Variants in LCORL observed in about 807,000 individuals in gnomAD.
LCORL encodes the protein ligand dependent nuclear receptor corepressor like.
A neutral mutation model predicts 141.8 loss-of-function variants in LCORL; 41 were observed. The ratio of observed to expected loss-of-function variants is 0.29; its 90% CI spans 0.23 to 0.38. The LOEUF (loss-of-function observed/expected upper bound fraction) is 0.38. LCORL is among the 10% of genes least tolerant of loss of function. LCORL has a pLI of 1.00. For synonymous variants in LCORL, 618 were observed against 694.1 expected (o/e 0.89, Z 1.72); for missense variants, 1,759 against 2,035.0 (o/e 0.86, Z 2.61).
chr4:17,925,619 C>T (rs1257282102), intron 4 of LCORL, among the ~76,000 whole-genome samples: 3 of 152,104 alleles, frequency 2.0e-5, no homozygotes, highest in South Asian at 2.1e-4. Context: ...TGCTTGTAAT[C>T]CCAGCACTTT....
chr4:17,858,789 TA>T (rs1451625165), intron 7 of LCORL, among the ~76,000 whole-genome samples: 1 of 151,872 alleles, frequency 6.6e-6, no homozygotes, highest in East Asian at 1.9e-4. Context: ...ATTAAAAATA[TA>T]AACTGACATA....
At chr4:17,971,417 A>C (rs1477593230) in intron 2 of LCORL, among the ~76,000 whole-genome samples, 1 of 151,892 alleles carries the variant, frequency 6.6e-6, no homozygotes, top group Non-Finnish European at 1.5e-5. Context: ...AATTATAAAT[A>C]TAAAATATTA....
chr4:17,919,628 C>T (rs1317007622), intron 4 of LCORL, among the ~76,000 whole-genome samples: 1 of 152,118 alleles, frequency 6.6e-6, no homozygotes, highest in African/African-American at 2.4e-5. Flanking sequence ...AAGAAGTACC[C>T]ATATCTGTGG....
chr4:17,874,955 T>C lies in LCORL; in HGVS notation c.4035A>G (p.Ala1345=), dbSNP rs1577302129. 3 of 1,233,858 alleles carry C rather than the reference T, an allele frequency of 2.4e-6. No homozygotes were observed. In the East Asian group the frequency reaches 9.5e-5, roughly 39 times the overall value. 76.4% of individuals were successfully genotyped at this position (1,233,858 alleles called of 1,614,324 possible). Residue 1345 remains alanine, a synonymous_variant, in exon 7 of 8, where the codon GCA becomes GCG. Coordinates refer to ENST00000635767, the Ensembl canonical transcript of LCORL. ...TTCTATAAATAAGTGAGCTAGAAGATGCTAATGAATGTAAGAAATGCAGAG... is the reference window on the plus strand; with the variant it reads ...TTCTATAAATAAGTGAGCTAGAAGACGCTAATGAATGTAAGAAATGCAGAG...
At chr4:17,864,822 G>C (rs1408166486) in intron 7 of LCORL, among the ~76,000 whole-genome samples, 1 of 152,192 alleles carries the variant, frequency 6.6e-6, no homozygotes, top group Non-Finnish European at 1.5e-5. Flanking sequence ...TATGATAACA[G>C]TAGTGAAAAG....
chr4:17,955,767 T>C (rs1712493782), intron 4 of LCORL, among the ~76,000 whole-genome samples: 1 of 152,014 alleles, frequency 6.6e-6, no homozygotes, highest in African/African-American at 2.4e-5. Flanking sequence ...ACAGATAAGA[T>C]TCTGAGTGTT....
exon 4 of LCORL, chr4:17,961,953 T>G: frequency 6.2e-7 from 1 of 1,610,624 alleles, no homozygotes; most frequent in Non-Finnish European, 8.5e-7. Flanking sequence ...GCATTCAATC[T>G]TATCAGTGTT....
At chr4:17,961,803 G>A in intron 4 of LCORL, 100 bp downstream of exon 4, 1 of 816,844 alleles carries the variant, frequency 1.2e-6, no homozygotes, top group Non-Finnish European at 1.9e-6. Context: ...AATAAAGAGT[G>A]AAGTAGAGAG....
chr4:17,894,460 T>A (rs1326680549), intron 5 of LCORL, among the ~76,000 whole-genome samples: 1 of 152,188 alleles, frequency 6.6e-6, no homozygotes, highest in Non-Finnish European at 1.5e-5. Context: ...AGAAATTAAA[T>A]AAAAGGATTT....
At chr4:17,860,465 C>T (rs1264822839) in intron 7 of LCORL, among the ~76,000 whole-genome samples, 1 of 152,164 alleles carries the variant, frequency 6.6e-6, no homozygotes, top group Non-Finnish European at 1.5e-5. Flanking sequence ...ATGTGAAAGA[C>T]CTGCCCCCAT....
chr4:17,963,254 C>T (rs376333094), intron 2 of LCORL, among the ~76,000 whole-genome samples: 9 of 151,856 alleles, frequency 5.9e-5, no homozygotes, highest in Admixed American at 5.3e-4. Context: ...TATTATGGGA[C>T]AAAATAGCAA....
chr4:17,854,239 C>T (rs1724098733), intron 7 of LCORL, among the ~76,000 whole-genome samples: 2 of 152,206 alleles, frequency 1.3e-5, no homozygotes, highest in South Asian at 4.1e-4. Context: ...AAGTCACTAC[C>T]TTTTATGGGT....
intron 1 of LCORL, among the ~76,000 whole-genome samples, chr4:18,001,225 T>G (rs1279952282): frequency 3.3e-5 from 5 of 152,178 alleles, no homozygotes; most frequent in Non-Finnish European, 5.9e-5. Flanking sequence ...AGACAATGCC[T>G]ATACTCAAGA....
intron 7 of LCORL, among the ~76,000 whole-genome samples, chr4:17,859,189 G>A (rs1343580382): frequency 6.6e-6 from 1 of 152,184 alleles, no homozygotes; most frequent in African/African-American, 2.4e-5. Flanking sequence ...AATAGGCTTT[G>A]TGTTTAACGG....
chr4:17,889,692 A>G (rs1334594409), intron 5 of LCORL, among the ~76,000 whole-genome samples: 1 of 151,904 alleles, frequency 6.6e-6, no homozygotes, highest in Non-Finnish European at 1.5e-5. Flanking sequence ...AAACAAAAAC[A>G]ATGAGACAGC....
At chr4:17,906,101 A>T (rs986671295) in intron 5 of LCORL, among the ~76,000 whole-genome samples, 1 of 152,196 alleles carries the variant, frequency 6.6e-6, no homozygotes, top group African/African-American at 2.4e-5. Context: ...TTTAAATCCT[A>T]AAATATTTAT....
At chr4:17,854,499 A>T (rs1018690449) in intron 7 of LCORL, among the ~76,000 whole-genome samples, 4 of 152,164 alleles carry the variant, frequency 2.6e-5, no homozygotes, top group African/African-American at 9.7e-5. Context: ...TCATAATCAG[A>T]TATAAAGATT....
At chr4:17,873,600 T>C (rs1577299582) in exon 7 of LCORL, 1 of 1,233,680 alleles carries the variant, frequency 8.1e-7, no homozygotes, top group Non-Finnish European at 1.0e-6. Flanking sequence ...AGCTGAAGGA[T>C]TATTTGTGTT....
At chr4:18,007,144 C>G (rs1252023583) in intron 1 of LCORL, among the ~76,000 whole-genome samples, 1 of 152,146 alleles carries the variant, frequency 6.6e-6, no homozygotes, top group Non-Finnish European at 1.5e-5. Flanking sequence ...TATAAAACCA[C>G]AAATTAAACT....
Sources: allele counts gnomAD v4.1 joint callset (sites outside exome capture counted in the v4.1 genomes callset), GRCh38; gene constraint gnomAD v4.1.1; transcripts MANE v1.5; gene names NCBI Gene and HGNC (gene_info 2026-07-23, HGNC 2026-07-21).